RPS6KA5: variants seen among roughly 807,000 people sequenced by gnomAD.
The protein encoded by RPS6KA5 is ribosomal protein S6 kinase alpha-5.
Under a neutral mutation model 85.5 loss-of-function variants are expected in RPS6KA5, and 27 were observed. The ratio of observed to expected loss-of-function variants is 0.32; its 90% CI spans 0.23 to 0.44. The LOEUF is 0.44. Among genes scored for constraint, RPS6KA5 ranks in the 20% least tolerant of loss-of-function variants. RPS6KA5 has a pLI of 1.00. For missense variants in RPS6KA5, 811 were observed against 980.9 expected, an observed-to-expected ratio of 0.83 and a Z score of 2.31; for synonymous variants, 334 against 348.2, an observed-to-expected ratio of 0.96 and a Z score of 0.46.
intron 1 of RPS6KA5, among the ~76,000 whole-genome samples, chr14:91,007,334 A>G (rs950884255): frequency 8.5e-5 from 13 of 152,256 alleles, no homozygotes; most frequent in Non-Finnish European, 1.6e-4. Flanking sequence ...ACTGGTACAC[A>G]GGAGTACGAC....
At chr14:90,944,933 T>C (rs1335754507) in intron 4 of RPS6KA5, among the ~76,000 whole-genome samples, 2 of 49,700 alleles carry the variant, frequency 4.0e-5, no homozygotes, top group Non-Finnish European at 6.8e-5. Flanking sequence ...CCAATGTCTC[T>C]ATTTTTTTTT....
intron 8 of RPS6KA5, among the ~76,000 whole-genome samples, 194 bp downstream of exon 8, chr14:90,905,955 T>C (rs1463363359): frequency 6.6e-6 from 1 of 152,144 alleles, no homozygotes; most frequent in Non-Finnish European, 1.5e-5. Context: ...TTAATGTTTA[T>C]ACAAGTAGAA....
rs1298595131 is a variant in RPS6KA5, at chr14:90,856,075, T to C, written c.*15999A>G. 2.6e-5 allele frequency: 4 copies of C among 152,216 alleles called. No homozygotes were observed. Among genetic ancestry groups the C allele is most frequent in the Non-Finnish European group, 4.4e-5 (3 of 68,032 alleles). The allele number at this position is 152,216 out of a possible 1,614,324, so 9.4% of individuals were successfully genotyped here. A position where few individuals can be genotyped will look rare whatever the true frequency, so the allele number is the denominator to read the frequency against. Reference sequence around the variant, plus strand: ...GCTGGATATGATCACCATGGAAACATACAGCACTTTGACATCTGTCCGAGC... The same window carrying C: ...GCTGGATATGATCACCATGGAAACACACAGCACTTTGACATCTGTCCGAGC... On this transcript the variant is annotated 3_prime_UTR_variant, in exon 17 of 17. Transcript: ENST00000614987.
intron 1 of RPS6KA5, among the ~76,000 whole-genome samples, chr14:91,009,156 C>A (rs991663969): frequency 1.3e-5 from 2 of 152,174 alleles, no homozygotes; most frequent in African/African-American, 4.8e-5. Context: ...ATGTTGAAAT[C>A]TAATCCCCAG....
chr14:90,847,877 T>C lies in RPS6KA5; in HGVS notation c.*24197A>G, dbSNP rs2031796553. ...AGTCAGATATCAGGCATTTGTACAT[T>C]GACAGGTTTATTCTTAAAGCTTGAA... is the stretch of plus-strand genomic sequence containing the variant. On this transcript the variant is annotated 3_prime_UTR_variant, in exon 17 of 17. Coordinates refer to ENST00000614987, the MANE Select transcript of RPS6KA5 (RefSeq NM_004755.4). 6.6e-6 allele frequency: 1 copy of C among 152,206 alleles called. No individual in the cohort carries two copies. Among genetic ancestry groups the C allele is most frequent in the Non-Finnish European group, 1.5e-5 (1 of 68,042 alleles). The allele number at this position is 152,206 out of a possible 1,614,324, so 9.4% of individuals were successfully genotyped here. A position where few individuals can be genotyped will look rare whatever the true frequency, so the allele number is the denominator to read the frequency against.
At chr14:91,051,750 A>C (rs2043090160) in intron 1 of RPS6KA5, among the ~76,000 whole-genome samples, 1 of 152,048 alleles carries the variant, frequency 6.6e-6, no homozygotes, top group African/African-American at 2.4e-5. Context: ...CGGCCTCCCA[A>C]AGTGCTGGGA....
At chr14:90,890,023 T>C (rs2034463598) in intron 14 of RPS6KA5, among the ~76,000 whole-genome samples, 1 of 152,232 alleles carries the variant, frequency 6.6e-6, no homozygotes, top group Non-Finnish European at 1.5e-5. Flanking sequence ...GTGAAAAGCA[T>C]GCTCACATTA....
intron 5 of RPS6KA5, among the ~76,000 whole-genome samples, chr14:90,937,545 G>A (rs2037329126): frequency 6.6e-6 from 1 of 152,144 alleles, no homozygotes; most frequent in Non-Finnish European, 1.5e-5. Flanking sequence ...CAGGCAGAGT[G>A]TATCAGTCCA....
At chr14:90,929,801 T>G (rs139048369) in intron 5 of RPS6KA5, among the ~76,000 whole-genome samples, 2 of 151,748 alleles carry the variant, frequency 1.3e-5, no homozygotes, top group Non-Finnish European at 2.9e-5. Context: ...GAGAGGGAGG[T>G]AGGGTGAGGG....
intron 1 of RPS6KA5, among the ~76,000 whole-genome samples, chr14:91,012,840 A>C (rs1313743946): frequency 6.6e-6 from 1 of 152,234 alleles, no homozygotes; most frequent in Admixed American, 6.5e-5. Flanking sequence ...CCTCAAAAGG[A>C]GCTGGAGGAA....
chr14:91,030,706 T>C (rs1017791703), intron 1 of RPS6KA5, among the ~76,000 whole-genome samples: 1 of 146,676 alleles, frequency 6.8e-6, no homozygotes, highest in Non-Finnish European at 1.5e-5. Flanking sequence ...AGTATAATTA[T>C]CCTTAAGGAG....
intron 13 of RPS6KA5, 141 bp downstream of exon 13, chr14:90,894,272 G>T (rs1040786415): frequency 1.6e-6 from 2 of 1,269,640 alleles, no homozygotes; most frequent in South Asian, 3.3e-5. Context: ...AAACATCAAA[G>T]AAACGTATTT....
intron 14 of RPS6KA5, 85 bp from the exon 15 acceptor site, chr14:90,875,445 G>T: frequency 8.2e-7 from 1 of 1,219,554 alleles, no homozygotes; most frequent in Non-Finnish European, 1.1e-6. Flanking sequence ...CGTAACTGGT[G>T]TAATTTACCA....
At chr14:90,943,041 T>C in intron 5 of RPS6KA5, 37 bp downstream of exon 5, 2 of 1,132,890 alleles carry the variant, frequency 1.8e-6, no homozygotes, top group Non-Finnish European at 2.7e-6. Context: ...CTTGTTTACA[T>C]GCTGTTATTA....
chr14:91,048,330 C>T (rs532999798), intron 1 of RPS6KA5, among the ~76,000 whole-genome samples: 10 of 152,054 alleles, frequency 6.6e-5, no homozygotes, highest in South Asian at 2.1e-4. Context: ...ATATTATTTA[C>T]GCAGTTTTTG....
At chr14:90,967,972 T>G (rs1470466188) in intron 3 of RPS6KA5, among the ~76,000 whole-genome samples, 2 of 152,194 alleles carry the variant, frequency 1.3e-5, no homozygotes, top group Admixed American at 6.5e-5. Context: ...CACTGTTCCC[T>G]TCATATTGCT....
Position 90,850,787 on chromosome 14 carries a change from T to C in RPS6KA5, c.*21287A>G, listed in dbSNP as rs1370781065. The C allele has an allele frequency of 3.3e-5, 5 of 152,252 alleles. No individual in the cohort carries two copies. Among genetic ancestry groups the C allele is most frequent in the African/African-American group, 9.6e-5 (4 of 41,468 alleles). 9.4% of individuals were successfully genotyped at this position (152,252 alleles called of 1,614,324 possible). ...CTCGTATGTGCTGAAAACACTGCTA[T>C]GACGACAGTTTGATCTGATCATCTA... On this transcript the variant is annotated 3_prime_UTR_variant, in exon 17 of 17. Coordinates refer to ENST00000614987, the MANE Select transcript of RPS6KA5 (RefSeq NM_004755.4).
chr14:90,954,131 CTCTT>C (rs1566787553), intron 3 of RPS6KA5, among the ~76,000 whole-genome samples: 1 of 152,204 alleles, frequency 6.6e-6, no homozygotes, highest in Non-Finnish European at 1.5e-5. Flanking sequence ...TCTCTTTGTT[CTCTT>C]TCTCTTTATT....
Position 90,849,355 on chromosome 14 carries a change from C to T in RPS6KA5, c.*22719G>A, listed in dbSNP as rs532491174. On this transcript the variant is annotated 3_prime_UTR_variant, in exon 17 of 17. Transcript: ENST00000614987. ...AAGACAAAAGTTTTTTAAGAGGGCA[C>T]GGACTCCGGATCTTTTATCTTATGA... 1.3e-5 allele frequency: 2 copies of T among 152,292 alleles called. No homozygotes were observed. The highest frequency in any genetic ancestry group is 1.9e-4 in the East Asian group (1 of 5,180). The allele number at this position is 152,292 out of a possible 1,614,324, so 9.4% of individuals were successfully genotyped here. A position where few individuals can be genotyped will look rare whatever the true frequency, so the allele number is the denominator to read the frequency against.
Sources: allele counts gnomAD v4.1 joint callset (sites outside exome capture counted in the v4.1 genomes callset), GRCh38; gene constraint gnomAD v4.1.1; transcripts MANE v1.5; gene names NCBI Gene and HGNC (gene_info 2026-07-23, HGNC 2026-07-21).